The following ABCC8 variants were observed in gnomAD, a reference collection of about 807,000 sequenced individuals.
ABCC8 encodes ATP-binding cassette sub-family C member 8.
ABCC8 carries 137 observed loss-of-function variants against 188.0 expected under a neutral mutation model. The ratio of observed to expected loss-of-function variants is 0.73; its 90% CI spans 0.63 to 0.84. The LOEUF (loss-of-function observed/expected upper bound fraction) is 0.84, where lower values mean the gene tolerates loss of function less well. Ranked by LOEUF, ABCC8 falls within the 40% of genes least tolerant of loss-of-function variation. The pLI, the probability that ABCC8 is intolerant of heterozygous loss-of-function variation, is 0.00. For synonymous variants in ABCC8, 797 were observed against 846.5 expected (o/e 0.94, Z 1.01); for missense variants, 1,750 against 2,072.7 (o/e 0.84, Z 3.02).
intron 7 of ABCC8, among the ~76,000 whole-genome samples, chr11:17,449,206 A>G (rs1158655969): frequency 6.6e-6 from 1 of 152,230 alleles, no homozygotes; most frequent in Admixed American, 6.5e-5. Flanking sequence ...GATTACAGGC[A>G]TGAGCCACCG....
chr11:17,403,051 C>T (rs1954327935), intron 28 of ABCC8, among the ~76,000 whole-genome samples: 1 of 152,246 alleles, frequency 6.6e-6, no homozygotes, highest in Non-Finnish European at 1.5e-5. Context: ...TGCTGCACAG[C>T]CTGGAGCTGA....
At chr11:17,450,587 C>CG (rs1956773979) in intron 7 of ABCC8, among the ~76,000 whole-genome samples, 2 of 143,638 alleles carry the variant, frequency 1.4e-5, no homozygotes, top group African/African-American at 2.6e-5. Context: ...TTAGTAGAGA[C>CG]GGGGTTTCAC....
At chr11:17,399,803 T>C (rs1218923112) in intron 29 of ABCC8, among the ~76,000 whole-genome samples, 4 of 152,192 alleles carry the variant, frequency 2.6e-5, no homozygotes, top group African/African-American at 7.2e-5. Context: ...CCCTCTGAAA[T>C]TGATGGAATC....
chr11:17,415,149 G>C (rs989078860), intron 18 of ABCC8, among the ~76,000 whole-genome samples, 155 bp downstream of exon 18: 1 of 152,134 alleles, frequency 6.6e-6, no homozygotes, highest in South Asian at 2.1e-4. Context: ...AGCAGCTCCC[G>C]AGCCACCTGG....
intron 18 of ABCC8, 112 bp from the exon 19 acceptor site, chr11:17,414,722 C>G: frequency 6.4e-7 from 1 of 1,554,916 alleles, no homozygotes; most frequent in Non-Finnish European, 8.7e-7. Context: ...TGGGGAGGTG[C>G]AGTTGGTAGA....
chr11:17,419,406 G>A (rs1955231314), intron 16 of ABCC8, among the ~76,000 whole-genome samples: 1 of 152,196 alleles, frequency 6.6e-6, no homozygotes, highest in African/African-American at 2.4e-5. Flanking sequence ...CTCTGGTAGG[G>A]CAAATCAGAA....
rs766758841 is a variant in ABCC8 at position 17,470,113 on chromosome 11, T to C, written c.400A>G (p.Lys134Glu). The C allele has an allele frequency of 6.2e-7, 1 of 1,613,970 alleles. No individual in the cohort carries two copies. ...ACACCTCACCTACCAATTAGCAGCT[T>C]GGGGAAGTTGGAAGTCTCGATGTTG... ...YHNIETSNFP[K>E]LLIALLVYWT... The change falls in exon 3 of 39, where the codon AAG (lysine) becomes GAG (glutamate). Residue 134 changes from lysine (K) to glutamate (E), a missense_variant. Physicochemically the swap from Lys to Glu is moderately conservative, Grantham distance 56 (BLOSUM62 1). Transcript: ENST00000389817.
At chr11:17,441,410 C>A in intron 10 of ABCC8, among the ~76,000 whole-genome samples, 1 of 152,230 alleles carries the variant, frequency 6.6e-6, no homozygotes, top group Non-Finnish European at 1.5e-5. Flanking sequence ...TTGCCACGTT[C>A]TGTGTAATCC....
At chr11:17,449,681 G>A (rs1956684112) in intron 7 of ABCC8, among the ~76,000 whole-genome samples, 1 of 152,212 alleles carries the variant, frequency 6.6e-6, no homozygotes, top group African/African-American at 2.4e-5. Flanking sequence ...CAGGATGCCT[G>A]CTCTTGGATA....
chr11:17,397,431 A>G, intron 31 of ABCC8, 118 bp from the exon 32 acceptor site: 5 of 1,554,184 alleles, frequency 3.2e-6, no homozygotes, highest in Non-Finnish European at 4.3e-6. Flanking sequence ...TTTTGCTGCC[A>G]TCCACTGCCT....
chr11:17,450,310 CTTTCT>C, intron 7 of ABCC8, among the ~76,000 whole-genome samples: 1 of 125,794 alleles, frequency 7.9e-6, no homozygotes, highest in South Asian at 2.5e-4. Context: ...TTCTTTCTTT[CTTTCT>C]TTCTTTCTTT....
At chr11:17,414,140 G>A (rs1312395660) in intron 19 of ABCC8, among the ~76,000 whole-genome samples, 1 of 152,220 alleles carries the variant, frequency 6.6e-6, no homozygotes, top group Non-Finnish European at 1.5e-5. Flanking sequence ...CACTGTGCCT[G>A]GTATGTAGTA....
At chr11:17,438,508 C>A (rs1388129150) in intron 10 of ABCC8, among the ~76,000 whole-genome samples, 1 of 152,200 alleles carries the variant, frequency 6.6e-6, no homozygotes, top group Non-Finnish European at 1.5e-5. Flanking sequence ...GAATGGGTAT[C>A]TCACAATGGA....
Position 17,460,648 on chromosome 11 carries a change from G to C in ABCC8, c.851C>G (p.Ala284Gly). Residue 284 changes from alanine (A) to glycine (G), a missense_variant, in exon 6 of 39, where the codon GCC (alanine) becomes GGC (glycine). Ala to Gly is a moderately conservative substitution (Grantham distance 60). Transcript: ENST00000389817. ...VRKDIQGTQG[A>G]RAIWQALSHA... ...GCTGAGTGCCTGCCAGATGGCCCGG[G>C]CACCTTGAGTGCCCTGAATGTCCTT... The C allele has an allele frequency of 1.2e-6, 2 of 1,610,966 alleles. No individual in the cohort carries two copies. Among genetic ancestry groups the C allele is most frequent in the Non-Finnish European group, 1.7e-6 (2 of 1,180,016 alleles).
intron 20 of ABCC8, among the ~76,000 whole-genome samples, 198 bp downstream of exon 20, chr11:17,413,196 C>T (rs1404060524): frequency 6.6e-6 from 1 of 152,180 alleles, no homozygotes. Context: ...GGGCACTAAG[C>T]TGACCTTGCC....
chr11:17,456,657 G>C (rs11823017), intron 6 of ABCC8, among the ~76,000 whole-genome samples: 12,458 of 152,112 alleles, frequency 0.082, 1,708 homozygotes, highest in African/African-American at 0.29. Context: ...CGGTGGTTAA[G>C]AGCCTGGACT....
At chr11:17,431,053 C>T in intron 11 of ABCC8, 94 bp from the exon 12 acceptor site, 2 of 1,555,926 alleles carry the variant, frequency 1.3e-6, no homozygotes, top group Non-Finnish European at 1.7e-6. Context: ...AATGAGAGGG[C>T]TGTCAGGGAG....
At chr11:17,418,495 A>G (rs1423142773) in intron 16 of ABCC8, among the ~76,000 whole-genome samples, 1 of 152,198 alleles carries the variant, frequency 6.6e-6, no homozygotes. Context: ...GCTGTAATTT[A>G]CAATTTATAG....
Position 17,427,229 on chromosome 11 carries a change from G to A in ABCC8, c.2117-75C>T. 6.8e-7 allele frequency: 1 copy of A among 1,472,120 alleles called. No homozygotes were observed. The highest frequency in any genetic ancestry group is 9.0e-7 in the Non-Finnish European group (1 of 1,108,526). 91.2% of individuals were successfully genotyped at this position (1,472,120 alleles called of 1,614,324 possible). A position where few individuals can be genotyped will look rare whatever the true frequency, so the allele number is the denominator to read the frequency against. Reference sequence around the variant, plus strand: ...CAACCATTACCCAGAAAGACAGACAGACAGATGCACCCAACCCTGGGGCCC... The same window carrying A: ...CAACCATTACCCAGAAAGACAGACAAACAGATGCACCCAACCCTGGGGCCC... On this transcript the variant is annotated intron_variant, in intron 15 of 38. Transcript: ENST00000389817. This position sits in a 1 kb window ranked among gnomAD's most constrained non-coding sequence, Gnocchi z 5.0.
Sources: allele counts gnomAD v4.1 joint callset (sites outside exome capture counted in the v4.1 genomes callset), GRCh38; gene constraint gnomAD v4.1.1; non-coding constraint Gnocchi (gnomAD v3.1); transcripts MANE v1.5; gene names NCBI Gene and HGNC (gene_info 2026-07-23, HGNC 2026-07-21).